The following DOCK4 variants were observed in gnomAD, a reference collection of about 807,000 sequenced individuals.
The protein encoded by DOCK4 is dedicator of cytokinesis protein 4.
In DOCK4, 97 loss-of-function variants were observed where a neutral mutation model predicts 268.1. That is an observed-to-expected ratio of 0.36 (90% confidence interval 0.31 to 0.43). The LOEUF (loss-of-function observed/expected upper bound fraction) is 0.43, where lower values mean the gene tolerates loss of function less well. DOCK4 is among the 20% of genes least tolerant of loss of function. The pLI, the probability that DOCK4 is intolerant of heterozygous loss-of-function variation, is 1.00. For missense variants in DOCK4, 2,145 were observed against 2,455.7 expected (o/e 0.87, Z 2.67); for synonymous variants, 954 against 887.2 (o/e 1.08, Z -1.34).
At chr7:111,829,381 G>A (rs1453302669) in intron 26 of DOCK4, among the ~76,000 whole-genome samples, 2 of 152,150 alleles carry the variant, frequency 1.3e-5, no homozygotes, top group Non-Finnish European at 2.9e-5. Context: ...CCAATTACTT[G>A]AGAACAATAA....
In DOCK4 at chr7:111,977,251, C is replaced by T. The variant is rs777550777; in HGVS notation, c.582G>A (p.Pro194=). 16 of 1,606,970 alleles carry T rather than the reference C, an allele frequency of 1.0e-5. No homozygotes were observed. The highest frequency in any genetic ancestry group is 1.3e-5 in the African/African-American group (1 of 74,748). The part of the protein sequence containing the change: ...MEHRHRKKDT[P]VQASSHHLFV... ...AGAGGTGGTGACTGCTGGCCTGCACCGGGGTGTCTTTCTTCCGATGTCGAT... is the reference window on the plus strand; with the variant it reads ...AGAGGTGGTGACTGCTGGCCTGCACTGGGGTGTCTTTCTTCCGATGTCGAT... Residue 194 remains proline (P), a synonymous_variant, in exon 8 of 53, where the codon CCG becomes CCA. Coordinates refer to ENST00000428084, the MANE Select transcript of DOCK4 (RefSeq NM_001363540.2).
At chr7:111,734,454 T>C (rs1482054451) in intron 51 of DOCK4, among the ~76,000 whole-genome samples, 2 of 152,254 alleles carry the variant, frequency 1.3e-5, no homozygotes, top group African/African-American at 4.8e-5. Flanking sequence ...CCCAAAATGC[T>C]GGTATTACAG....
At chr7:112,151,375 C>T (rs528449850) in intron 1 of DOCK4, among the ~76,000 whole-genome samples, 1 of 151,874 alleles carries the variant, frequency 6.6e-6, no homozygotes, top group African/African-American at 2.4e-5. Context: ...CAGCACCTAA[C>T]AAAAAAATAC....
intron 1 of DOCK4, among the ~76,000 whole-genome samples, chr7:112,124,003 T>C (rs1324028902): frequency 6.6e-6 from 1 of 152,158 alleles, no homozygotes; most frequent in Non-Finnish European, 1.5e-5. Context: ...GGTATTAGTT[T>C]TGCTGATCAT....
intron 1 of DOCK4, among the ~76,000 whole-genome samples, chr7:112,181,709 G>C (rs953394238): frequency 2.0e-5 from 3 of 147,900 alleles, no homozygotes; most frequent in African/African-American, 5.0e-5. Context: ...AGTATGATAC[G>C]TTCCCACTGT....
chr7:112,131,624 T>C (rs1374824164), intron 1 of DOCK4, among the ~76,000 whole-genome samples: 1 of 152,138 alleles, frequency 6.6e-6, no homozygotes, highest in Admixed American at 6.5e-5. Context: ...AGCTAAAATG[T>C]GATACATACA....
chr7:111,938,923 G>A (rs1371224876), intron 11 of DOCK4, among the ~76,000 whole-genome samples: 1 of 148,148 alleles, frequency 6.8e-6, no homozygotes, highest in Non-Finnish European at 1.5e-5. Context: ...GCAGTGAGCC[G>A]AGATTGCTCC....
intron 27 of DOCK4, chr7:111,819,899 G>A (rs1026378789): frequency 7.9e-5 from 12 of 152,176 alleles, no homozygotes; most frequent in Admixed American, 7.9e-4. Flanking sequence ...GGAAGAAAAG[G>A]TGGTCAACTT....
chr7:111,924,469 T>C (rs1793431904), intron 12 of DOCK4, among the ~76,000 whole-genome samples: 4 of 152,276 alleles, frequency 2.6e-5, no homozygotes, highest in Middle Eastern at 3.4e-3. Context: ...TACATGTATA[T>C]GTAGTGGAAT....
chr7:112,159,868 A>G (rs181688567), intron 1 of DOCK4, among the ~76,000 whole-genome samples: 1,596 of 144,890 alleles, frequency 0.011, 23 homozygotes, highest in African/African-American at 0.041. Flanking sequence ...ATGTATATAC[A>G]TATACACATA....
At chr7:111,857,811 C>G (rs1383311094) in intron 23 of DOCK4, among the ~76,000 whole-genome samples, 1 of 152,222 alleles carries the variant, frequency 6.6e-6, no homozygotes, top group African/African-American at 2.4e-5. Context: ...TGCATCAAAT[C>G]TACCCTTTTG....
chr7:111,744,583 C>T (rs1421805934), intron 44 of DOCK4, among the ~76,000 whole-genome samples: 1 of 152,194 alleles, frequency 6.6e-6, no homozygotes, highest in Non-Finnish European at 1.5e-5. Flanking sequence ...CCTGAGCTAC[C>T]ATTTAATTCT....
intron 1 of DOCK4, among the ~76,000 whole-genome samples, chr7:112,159,318 G>A (rs1196175683): frequency 2.6e-5 from 4 of 151,720 alleles, no homozygotes; most frequent in South Asian, 2.1e-4. Context: ...CCCCTATCAC[G>A]TAGTCTCTGC....
intron 8 of DOCK4, chr7:111,976,656 G>A (rs1234282394): frequency 6.6e-6 from 1 of 152,068 alleles, no homozygotes; most frequent in Non-Finnish European, 1.5e-5. Context: ...GTGAAAATTA[G>A]TTATCATCTC....
chr7:111,803,207 A>G (rs1222658313), intron 30 of DOCK4, among the ~76,000 whole-genome samples: 1 of 152,230 alleles, frequency 6.6e-6, no homozygotes, highest in Non-Finnish European at 1.5e-5. Flanking sequence ...ATTGTGCAGG[A>G]ATGCATGAGA....
In DOCK4 at chr7:111,790,583, G is replaced by C; in HGVS notation, c.3189C>G (p.Ile1063Met). Residue 1063 changes from isoleucine to methionine, a missense_variant, in exon 31 of 53, where the codon ATC becomes ATG. Coordinates refer to ENST00000428084, the MANE Select transcript of DOCK4 (RefSeq NM_001363540.2). ...QNLGEHKLHF[I>M]PALIGPFLEV... ...CTAGGAAGGGGCCAATCAGGGCAGG[G>C]ATAAAATGAAGCTTGTGCTCTCCTA... The C allele has an allele frequency of 1.2e-6, 2 of 1,613,348 alleles. No individual in the cohort carries two copies. The highest frequency in any genetic ancestry group is 1.7e-6 in the Non-Finnish European group (2 of 1,179,674).
At chr7:111,861,463 T>C (rs1356396865) in intron 23 of DOCK4, among the ~76,000 whole-genome samples, 1 of 151,948 alleles carries the variant, frequency 6.6e-6, no homozygotes, top group Non-Finnish European at 1.5e-5. Flanking sequence ...AGTATAATAT[T>C]AGGCCGGGTG....
intron 25 of DOCK4, among the ~76,000 whole-genome samples, chr7:111,843,184 A>G (rs1355424850): frequency 6.6e-6 from 1 of 152,230 alleles, no homozygotes; most frequent in African/African-American, 2.4e-5. Context: ...CTAGGAGATA[A>G]CATTTAAGAT....
intron 52 of DOCK4, among the ~76,000 whole-genome samples, chr7:111,731,236 A>G (rs1795063004): frequency 6.6e-6 from 1 of 152,132 alleles, no homozygotes; most frequent in Admixed American, 6.5e-5. Flanking sequence ...CACTTCTTTC[A>G]ATTTTCTCCA....
Sources: gnomAD v4.1 joint callset for allele counts (sites outside exome capture counted in the v4.1 genomes callset) on GRCh38, gnomAD v4.1.1 for gene constraint, MANE v1.5 for transcripts, NCBI Gene and HGNC (gene_info 2026-07-23, HGNC 2026-07-21) for gene names.